PARM1: variants seen among roughly 807,000 people sequenced by gnomAD.
The protein encoded by PARM1 is WSC4, cell wall integrity and stress response component 4 homolog.
PARM1 carries 14 observed loss-of-function variants against 24.6 expected under a neutral mutation model. The observed-to-expected ratio is 0.57, with a 90% CI of 0.38 to 0.89. The LOEUF is 0.89. Ranked by LOEUF, PARM1 falls within the 40% of genes least tolerant of loss-of-function variation. PARM1 has a pLI of 0.00. For synonymous variants in PARM1, 179 were observed against 156.6 expected (o/e 1.14, Z -1.07); for missense variants, 362 against 380.4 (o/e 0.95, Z 0.40).
chr4:74,951,171 C>T (rs1256831326), intron 1 of PARM1, among the ~76,000 whole-genome samples: 2 of 152,174 alleles, frequency 1.3e-5, no homozygotes, highest in African/African-American at 2.4e-5. Context: ...CTGACTTGGA[C>T]AAGGATAGTA....
intron 1 of PARM1, among the ~76,000 whole-genome samples, chr4:75,006,119 G>A (rs1451634451): frequency 2.0e-5 from 3 of 152,168 alleles, no homozygotes; most frequent in Non-Finnish European, 2.9e-5. Context: ...TTTTGGGTGG[G>A]AAGGTGTATG....
chr4:75,036,092 G>A (rs902218921), intron 3 of PARM1, among the ~76,000 whole-genome samples: 3 of 152,090 alleles, frequency 2.0e-5, no homozygotes, highest in African/African-American at 7.2e-5. Flanking sequence ...TTCCCAAAAA[G>A]GAACTTACAC....
chr4:75,007,431 G>C (rs751725622), intron 1 of PARM1, among the ~76,000 whole-genome samples: 3 of 152,156 alleles, frequency 2.0e-5, no homozygotes, highest in Non-Finnish European at 4.4e-5. Context: ...AGGAGTTCTA[G>C]TTCTGACTCT....
chr4:74,952,217 T>C (rs111586337), intron 1 of PARM1, among the ~76,000 whole-genome samples: 41 of 152,382 alleles, frequency 2.7e-4, no homozygotes, highest in African/African-American at 9.9e-4. Context: ...CATATATTTG[T>C]TGGCCTCATA....
chr4:74,955,374 G>C (rs1721609490), intron 1 of PARM1, among the ~76,000 whole-genome samples: 1 of 152,134 alleles, frequency 6.6e-6, no homozygotes. Context: ...GATCTGAAAT[G>C]GATTCTTAAC....
chr4:74,988,084 A>G (rs1450608590), intron 1 of PARM1, among the ~76,000 whole-genome samples: 1 of 152,140 alleles, frequency 6.6e-6, no homozygotes, highest in African/African-American at 2.4e-5. Context: ...ACATTTACAC[A>G]GCTATGGTAG....
chr4:74,939,824 A>C (rs1721268007), intron 1 of PARM1, among the ~76,000 whole-genome samples: 1 of 152,244 alleles, frequency 6.6e-6, no homozygotes, highest in Non-Finnish European at 1.5e-5. Flanking sequence ...AAAAAATATT[A>C]AGATAAATTA....
intron 1 of PARM1, among the ~76,000 whole-genome samples, chr4:74,973,447 T>C (rs1722078813): frequency 8.3e-6 from 1 of 119,878 alleles, no homozygotes; most frequent in East Asian, 2.3e-4. Context: ...CAAGAAACTC[T>C]CCCTCCCAAC....
At chr4:75,018,655 G>T (rs186351953) in intron 2 of PARM1, among the ~76,000 whole-genome samples, 12 of 152,272 alleles carry the variant, frequency 7.9e-5, no homozygotes, top group African/African-American at 2.9e-4. Context: ...GAGGTTCATG[G>T]TCGTATGAGG....
rs2109985060 is a variant in PARM1 at position 74,951,870 on chromosome 4, C to G, written c.43+18500C>G. Reference sequence around the variant, plus strand: ...TATTTGGCTTGGTTCCAAGTCTTCGCTATTCTGAATAGTGCTGCAATAAAC... The same window carrying G: ...TATTTGGCTTGGTTCCAAGTCTTCGGTATTCTGAATAGTGCTGCAATAAAC... On this transcript the variant is annotated intron_variant, in intron 1 of 3. Transcript: ENST00000307428. 2.6e-5 allele frequency among the ~76,000 whole-genome samples: 4 copies of G among 152,302 alleles called. No individual in the cohort carries two copies. In the South Asian group the frequency reaches 6.2e-4, roughly 24 times the overall value.
chr4:74,979,392 C>G (rs1159858757), intron 1 of PARM1, among the ~76,000 whole-genome samples: 1 of 151,978 alleles, frequency 6.6e-6, no homozygotes, highest in Non-Finnish European at 1.5e-5. Context: ...ACACATACAC[C>G]CTCCCCAGAC....
At chr4:74,945,983 A>G (rs1374861864) in intron 1 of PARM1, among the ~76,000 whole-genome samples, 4 of 152,196 alleles carry the variant, frequency 2.6e-5, no homozygotes, top group African/African-American at 7.2e-5. Flanking sequence ...ATCTAGGCCA[A>G]CCTCTCACAT....
chr4:74,978,542 G>A (rs1053908525), intron 1 of PARM1, among the ~76,000 whole-genome samples: 3 of 152,094 alleles, frequency 2.0e-5, no homozygotes, highest in African/African-American at 7.2e-5. Context: ...GTCATTATGA[G>A]ATAGATCATC....
intron 1 of PARM1, among the ~76,000 whole-genome samples, chr4:75,000,668 C>T (rs367583901): frequency 2.0e-5 from 3 of 152,166 alleles, no homozygotes; most frequent in African/African-American, 4.8e-5. Flanking sequence ...CACAGAACTG[C>T]GGCACATAGA....
intron 3 of PARM1, among the ~76,000 whole-genome samples, chr4:75,035,184 A>G (rs1211429495): frequency 6.6e-6 from 1 of 152,148 alleles, no homozygotes; most frequent in Non-Finnish European, 1.5e-5. Context: ...TTACTCTCTT[A>G]GTGCCTTGTT....
At chr4:74,983,591 C>A (rs1042130769) in intron 1 of PARM1, among the ~76,000 whole-genome samples, 7 of 152,202 alleles carry the variant, frequency 4.6e-5, no homozygotes, top group Non-Finnish European at 8.8e-5. Flanking sequence ...TCTACTGTAG[C>A]TTCTGCAGCC....
intron 1 of PARM1, among the ~76,000 whole-genome samples, chr4:74,944,327 C>T (rs1721367803): frequency 6.6e-6 from 1 of 152,152 alleles, no homozygotes; most frequent in South Asian, 2.1e-4. Flanking sequence ...AAGAGGATGA[C>T]ACTTTGTGTT....
intron 1 of PARM1, chr4:74,966,659 G>A (rs887723394): frequency 6.6e-6 from 1 of 152,310 alleles, no homozygotes; most frequent in Non-Finnish European, 1.5e-5. Flanking sequence ...CTGAAATTCA[G>A]TCAAGGAGAG....
chr4:74,961,435 A>T (rs1002874621), intron 1 of PARM1, among the ~76,000 whole-genome samples: 7 of 152,346 alleles, frequency 4.6e-5, no homozygotes, highest in African/African-American at 1.7e-4. Context: ...AATGAAAGAC[A>T]TGAATATAAA....
Sources: gnomAD v4.1 joint callset for allele counts (sites outside exome capture counted in the v4.1 genomes callset) on GRCh38, gnomAD v4.1.1 for gene constraint, MANE v1.5 for transcripts, NCBI Gene and HGNC (gene_info 2026-07-23, HGNC 2026-07-21) for gene names.